DPYSL4: variants seen among roughly 807,000 people sequenced by gnomAD.
The protein encoded by DPYSL4 is dihydropyrimidinase-related protein 4.
DPYSL4 carries 43 observed loss-of-function variants against 63.4 expected under a neutral mutation model. The ratio of observed to expected loss-of-function variants is 0.68; its 90% confidence interval spans 0.53 to 0.88. The LOEUF (loss-of-function observed/expected upper bound fraction) is 0.88, where lower values mean the gene tolerates loss of function less well. Among genes scored for constraint, DPYSL4 ranks in the 40% least tolerant of loss-of-function variants. The pLI, the probability that DPYSL4 is intolerant of heterozygous loss-of-function variation, is 0.00. For synonymous variants in DPYSL4, 353 were observed against 331.7 expected (o/e 1.06, Z -0.70); for missense variants, 733 against 819.5 (o/e 0.89, Z 1.29).
intron 9 of DPYSL4, 70 bp downstream of exon 9, chr10:132,200,582 C>T: frequency 6.4e-7 from 1 of 1,567,150 alleles, no homozygotes; most frequent in Non-Finnish European, 8.7e-7. Flanking sequence ...GTGGCCCCGA[C>T]ACCCCAGGCC....
rs143125195 is a variant in DPYSL4, at chr10:132,198,462, C to T, written c.669C>T (p.His223=). The change falls in exon 7 of 14, where the codon CAC becomes CAT. Residue 223 remains histidine (H), a synonymous_variant. Coordinates refer to ENST00000338492, the MANE Select transcript of DPYSL4 (RefSeq NM_006426.3). ...LELGITGPEG[H]VLSHPEEVEA... ...TCGGCATCACTGGCCCCGAGGGCCA[C>T]GTGCTCAGCCACCCCGAGGAGGTAA... 1,470 of 1,605,428 alleles carry T rather than the reference C, an allele frequency of 9.2e-4. 1 individual carries two copies. The highest frequency in any genetic ancestry group is 1.2e-3 in the Non-Finnish European group (1,359 of 1,177,934).
intron 13 of DPYSL4, 121 bp downstream of exon 13, chr10:132,204,048 C>T (rs994643439): frequency 7.0e-5 from 92 of 1,311,486 alleles, no homozygotes; most frequent in Non-Finnish European, 9.0e-5. Flanking sequence ...CAGCTGGGGA[C>T]TGGGGCAGGA....
intron 6 of DPYSL4, 98 bp downstream of exon 6, chr10:132,197,199 G>A: frequency 1.9e-6 from 2 of 1,080,248 alleles, no homozygotes; most frequent in Non-Finnish European, 2.6e-6. Context: ...TGACTTTCAT[G>A]ATACGCAGAC....
intron 2 of DPYSL4, 164 bp from the exon 3 acceptor site, chr10:132,192,494 C>T (rs1461273982): frequency 2.2e-6 from 3 of 1,385,812 alleles, no homozygotes; most frequent in Non-Finnish European, 1.9e-6. Flanking sequence ...ATGCTTTGCT[C>T]CCTGGCACTC....
chr10:132,205,276 C>T lies in DPYSL4; in HGVS notation c.*346C>T, dbSNP rs1246497672. 1 of 207,622 alleles carries T rather than the reference C, an allele frequency of 4.8e-6. No homozygotes were observed. The highest frequency in any genetic ancestry group is 1.6e-3 in the Middle Eastern group (1 of 616). 12.9% of individuals were successfully genotyped at this position (207,622 alleles called of 1,614,324 possible). A position where few individuals can be genotyped will look rare whatever the true frequency, so the allele number is the denominator to read the frequency against. On this transcript the variant is annotated 3_prime_UTR_variant, in exon 14 of 14. Coordinates refer to ENST00000338492, the MANE Select transcript of DPYSL4 (RefSeq NM_006426.3). ...CTCACAGTGTGGGAGCAGCTGGACA[C>T]CAGGCTTCTTGGTGAACCGGCGAGG...
intron 10 of DPYSL4, 29 bp downstream of exon 10, chr10:132,201,012 G>C (rs759292168): frequency 6.2e-7 from 1 of 1,608,912 alleles, no homozygotes. Context: ...GGGGCACGCC[G>C]TCTGGGGAGC....
In DPYSL4 at chr10:132,196,917, A is replaced by G. The variant is rs1453675614; in HGVS notation, c.535A>G (p.Ser179Gly). Residue 179 changes from serine to glycine, a missense_variant, in exon 5 of 14, where the codon AGC becomes GGC. Physicochemically the swap from Ser to Gly is moderately conservative, Grantham distance 56 (BLOSUM62 0). Transcript: ENST00000338492. ...CAAGGACCGGTGCCAGTGCAGCGAC[A>G]GCCAGGTAAGGGCAGGCGTGGGGAA... ...AYKDRCQCSD[S>G]QMYEIFSIIR... The G allele has an allele frequency of 6.2e-7, 1 of 1,609,334 alleles. No homozygotes were observed.
Position 132,187,000 on chromosome 10 carries a change from C to CCCGGGGGGGG in DPYSL4, c.-64_-63insCCGGGGGGGG. ...ACGCGTCCCGGCTCACGCGTCCCCC[C>CCCGGGGGGGG]GCCCGCCCGCCCGCCCGCCCGCCCC... On this transcript the variant is annotated 5_prime_UTR_variant, in exon 1 of 14. Coordinates refer to ENST00000338492, the MANE Select transcript of DPYSL4 (RefSeq NM_006426.3). 6.3e-4 allele frequency: 7 copies of CCCGGGGGGGG among 11,128 alleles called. No homozygotes were observed. The highest frequency in any genetic ancestry group is 1.1e-3 in the Non-Finnish European group (6 of 5,648). The allele number at this position is 11,128 out of a possible 1,614,324, so 0.7% of individuals were successfully genotyped here.
chr10:132,204,394 C>T (rs1191852414), intron 13 of DPYSL4, among the ~76,000 whole-genome samples: 10 of 152,174 alleles, frequency 6.6e-5, no homozygotes, highest in Non-Finnish European at 1.5e-4. Flanking sequence ...AGGGTCCGGC[C>T]TCTGGCGTCG....
intron 3 of DPYSL4, among the ~76,000 whole-genome samples, chr10:132,193,163 G>A (rs573701847): frequency 4.6e-5 from 7 of 152,180 alleles, no homozygotes; most frequent in Non-Finnish European, 7.3e-5. Context: ...CTTGGGCGAG[G>A]GGAGGGGTCA....
At chr10:132,192,627 C>A in intron 2 of DPYSL4, 31 bp from the exon 3 acceptor site, 2 of 1,576,084 alleles carry the variant, frequency 1.3e-6, no homozygotes, top group South Asian at 2.4e-5. Flanking sequence ...CCTGGGCTCC[C>A]TGTAACCAGT....
intron 13 of DPYSL4, 30 bp downstream of exon 13, chr10:132,203,957 T>TGAGGGGCTCTGCCGGAGCATC: frequency 6.4e-7 from 1 of 1,573,470 alleles, no homozygotes; most frequent in Non-Finnish European, 8.7e-7. Context: ...CCAGTGGGGG[T>TGAGGGGCTCTGCCGGAGCATC]GAGGGGCTCT....
At position 132,191,162 on chromosome 10, in the gene DPYSL4, G is replaced by T. The variant is rs1163908349; in HGVS notation, c.128+327G>T. Among the ~76,000 whole-genome samples, 5 of 94,802 alleles carry T rather than the reference G, an allele frequency of 5.3e-5. 2 individuals carry two copies. The highest frequency in any genetic ancestry group is 1.7e-4 in the African/African-American group (5 of 29,476). 62.2% of individuals were successfully genotyped at this position (94,802 alleles called of 152,430 possible). On this transcript the variant is annotated intron_variant, in intron 2 of 13. Transcript: ENST00000338492. ...GTTCCCACCTCTTGTGTACACACTGGTCACGTGGTATCCAGGCAGTTGAAA... is the reference window on the plus strand; with the variant it reads ...GTTCCCACCTCTTGTGTACACACTGTTCACGTGGTATCCAGGCAGTTGAAA...
At chr10:132,189,933 C>T (rs1199023857) in intron 1 of DPYSL4, among the ~76,000 whole-genome samples, 1 of 152,218 alleles carries the variant, frequency 6.6e-6, no homozygotes, top group Non-Finnish European at 1.5e-5. Context: ...CCTCTGGCAC[C>T]ACCACCCCAC....
intron 12 of DPYSL4, among the ~76,000 whole-genome samples, chr10:132,203,280 GCC>G (rs34104193): frequency 2.7e-4 from 41 of 151,138 alleles, no homozygotes; most frequent in East Asian, 1.2e-3. Flanking sequence ...AGCCACGGGA[GCC>G]CCCCCCCCAT....
intron 6 of DPYSL4, among the ~76,000 whole-genome samples, chr10:132,197,794 G>T (rs1012161290): frequency 1.3e-5 from 2 of 152,324 alleles, no homozygotes; most frequent in South Asian, 2.1e-4. Flanking sequence ...CATGTGGGGG[G>T]TCCCCAGTGT....
Position 132,200,986 on chromosome 10 carries a change from G to T in DPYSL4, c.1110+3G>T, listed in dbSNP as rs1260737844. 5 of 1,612,864 alleles carry T rather than the reference G, an allele frequency of 3.1e-6. No individual in the cohort carries two copies. The South Asian group carries it at 5.5e-5, about 18-fold the overall frequency. ...CGATGGTCTGGGAGAAATGTGTGGT[G>T]AGCACAGGCCTGGCCGGGGCACGCC... On this transcript the variant is annotated splice_donor_region_variant and intron_variant, in intron 10 of 13. Transcript: ENST00000338492.
intron 6 of DPYSL4, among the ~76,000 whole-genome samples, chr10:132,197,789 G>T (rs7072915): frequency 0.49 from 75,295 of 152,134 alleles, 19,856 homozygotes; most frequent in East Asian, 0.91. Flanking sequence ...AGGGGCATGT[G>T]GGGGGTCCCC....
Position 132,198,934 on chromosome 10 carries a change from G to A in DPYSL4, c.774G>A (p.Lys258=), listed in dbSNP as rs951188721. The A allele has an allele frequency of 1.2e-6, 2 of 1,612,678 alleles. No homozygotes were observed. Among genetic ancestry groups the A allele is most frequent in the African/African-American group, 2.7e-5 (2 of 74,944 alleles). Residue 258 remains lysine, a synonymous_variant, in exon 8 of 14, where the codon AAG becomes AAA. Coordinates refer to ENST00000338492, the MANE Select transcript of DPYSL4 (RefSeq NM_006426.3). The part of the protein sequence containing the change: ...CPLYVTKVMS[K]GAADAIAQAK... ...TGTACGTCACCAAGGTGATGAGCAA[G>A]GGGGCGGCCGACGCCATCGCTCAGG...
Sources: gnomAD v4.1 joint callset for allele counts (sites outside exome capture counted in the v4.1 genomes callset) on GRCh38, gnomAD v4.1.1 for gene constraint, MANE v1.5 for transcripts, NCBI Gene and HGNC (gene_info 2026-07-23, HGNC 2026-07-21) for gene names.